VPS13B: variants seen among roughly 807,000 people sequenced by gnomAD.
VPS13B encodes vacuolar protein sorting 13 homolog B.
In VPS13B, 285 loss-of-function variants were observed where a neutral mutation model predicts 426.4. The ratio of observed to expected loss-of-function variants is 0.67; its 90% CI spans 0.61 to 0.74. The LOEUF is 0.74. VPS13B is among the 30% of genes least tolerant of loss of function. The pLI is 0.00. For synonymous variants in VPS13B, 1,676 were observed against 1,676.4 expected (o/e 1.00, Z 0.01); for missense variants, 4,537 against 4,782.6 (o/e 0.95, Z 1.51).
rs1295496472 is a variant in VPS13B at position 99,614,340 on chromosome 8, C to T, written c.5221-27471C>T. Among the ~76,000 whole-genome samples, 28 of 152,008 alleles carry T rather than the reference C, an allele frequency of 1.8e-4. 1 individual carries two copies. Among genetic ancestry groups the T allele is most frequent in the South Asian group, 2.1e-4 (1 of 4,812 alleles). ...TTGCACAGGCTGGAGTGCAATGGCG[C>T]AGTCTCAGCTCACCACAACCTCCGC... On this transcript the variant is annotated intron_variant, in intron 33 of 61. Transcript: ENST00000357162.
At position 99,521,018 on chromosome 8, in the gene VPS13B, T is replaced by G; in HGVS notation, c.4745+8T>G. ...TAGGAAAGATATTTACCAGTAAGTT[T>G]ATTTTCTTATGTCCAATCTTGCAAC... is the stretch of plus-strand genomic sequence containing the variant. On this transcript the variant is annotated splice_region_variant and intron_variant, in intron 30 of 61. Coordinates refer to ENST00000357162, the MANE Select transcript of VPS13B (RefSeq NM_152564.5). The G allele has an allele frequency of 1.2e-6, 2 of 1,608,480 alleles. No homozygotes were observed. Among genetic ancestry groups the G allele is most frequent in the Non-Finnish European group, 1.7e-6 (2 of 1,175,096 alleles).
intron 3 of VPS13B, among the ~76,000 whole-genome samples, chr8:99,081,424 A>C (rs1845448889): frequency 6.6e-6 from 1 of 152,102 alleles, no homozygotes; most frequent in Non-Finnish European, 1.5e-5. Context: ...AAAGCTTCAA[A>C]GATTACTTTT....
intron 61 of VPS13B, among the ~76,000 whole-genome samples, chr8:99,872,835 G>A (rs1817495954): frequency 1.3e-5 from 2 of 152,140 alleles, no homozygotes; most frequent in African/African-American, 4.8e-5. Context: ...TCACGCCACT[G>A]TTTGGGTAAA....
intron 2 of VPS13B, among the ~76,000 whole-genome samples, chr8:99,034,931 G>A (rs1408455890): frequency 2.0e-5 from 3 of 152,122 alleles, no homozygotes; most frequent in Non-Finnish European, 4.4e-5. Flanking sequence ...ATGGTAGCTC[G>A]TGCCTGCAAT....
At position 99,309,537 on chromosome 8, in the gene VPS13B, C is replaced by G. The variant is rs1820834775; in HGVS notation, c.2824+34283C>G. ...GAGGGCTCTGTTCTGTTCCATTGGT[C>G]TATATCTCTGTTTTGGTACCAGTAC... On this transcript the variant is annotated intron_variant, in intron 19 of 61. Transcript: ENST00000357162. Among the ~76,000 whole-genome samples, 3 of 152,058 alleles carry G rather than the reference C, an allele frequency of 2.0e-5. No homozygotes were observed. In the South Asian group the frequency reaches 6.2e-4, roughly 31 times the overall value.
intron 34 of VPS13B, among the ~76,000 whole-genome samples, chr8:99,660,534 ATATT>A (rs1002220908): frequency 6.6e-6 from 1 of 152,156 alleles, no homozygotes; most frequent in African/African-American, 2.4e-5. Context: ...AAAACTGTGA[ATATT>A]TAGAAGTTTT....
intron 12 of VPS13B, among the ~76,000 whole-genome samples, chr8:99,139,204 A>G (rs1251419657): frequency 1.3e-5 from 2 of 152,124 alleles, no homozygotes; most frequent in African/African-American, 2.4e-5. Flanking sequence ...TAAGCCTCCT[A>G]TGTGTTTCTT....
At chr8:99,793,223 T>C (rs1339836063) in intron 43 of VPS13B, among the ~76,000 whole-genome samples, 2 of 143,088 alleles carry the variant, frequency 1.4e-5, no homozygotes, top group Non-Finnish European at 3.0e-5. Context: ...TATATATATA[T>C]ATATATTTGG....
At chr8:99,663,434 G>A (rs1830321307) in intron 35 of VPS13B, among the ~76,000 whole-genome samples, 1 of 152,216 alleles carries the variant, frequency 6.6e-6, no homozygotes, top group Non-Finnish European at 1.5e-5. Context: ...TCATTAAAGT[G>A]TAGGAAGAAG....
rs1460900866 is a variant in VPS13B, at chr8:99,487,203, A to G, written c.3870+5401A>G. Among the ~76,000 whole-genome samples the G allele has an allele frequency of 4.6e-5, 7 of 152,146 alleles. No individual in the cohort carries two copies. In the South Asian group the frequency reaches 6.2e-4, roughly 14 times the overall value. ...CAGAGGGTAGTGAAGGGTAGAGAGTAGATCTAGAGGGCCAAAGAAAAGATA... is the reference window on the plus strand; with the variant it reads ...CAGAGGGTAGTGAAGGGTAGAGAGTGGATCTAGAGGGCCAAAGAAAAGATA... On this transcript the variant is annotated intron_variant, in intron 25 of 61. Transcript: ENST00000357162.
intron 16 of VPS13B, among the ~76,000 whole-genome samples, chr8:99,183,367 T>A (rs2132701236): frequency 6.6e-6 from 1 of 152,352 alleles, no homozygotes; most frequent in South Asian, 2.1e-4. Flanking sequence ...GAAATTTTAC[T>A]CTGGAGATTA....
intron 56 of VPS13B, among the ~76,000 whole-genome samples, chr8:99,856,549 TAAAG>T (rs949466270): frequency 4.6e-5 from 7 of 152,268 alleles, no homozygotes; most frequent in African/African-American, 1.7e-4. Context: ...GTTTTAAAAA[TAAAG>T]AAACAGGCCG....
intron 19 of VPS13B, among the ~76,000 whole-genome samples, chr8:99,371,736 T>C (rs902416680): frequency 1.3e-5 from 2 of 152,210 alleles, no homozygotes; most frequent in African/African-American, 4.8e-5. Flanking sequence ...TTGTGTCCTC[T>C]CTTATTTCCT....
intron 17 of VPS13B, among the ~76,000 whole-genome samples, chr8:99,202,520 C>A (rs1291460304): frequency 3.9e-5 from 6 of 152,070 alleles, no homozygotes; most frequent in Admixed American, 3.9e-4. Flanking sequence ...CATGAATAGA[C>A]CCAATAACAA....
At chr8:99,326,482 TG>T (rs1179289498) in intron 19 of VPS13B, among the ~76,000 whole-genome samples, 1 of 125,972 alleles carries the variant, frequency 7.9e-6, no homozygotes, top group Non-Finnish European at 1.7e-5. Context: ...TTTTTTTTTT[TG>T]AGACAGAATC....
intron 39 of VPS13B, among the ~76,000 whole-genome samples, chr8:99,729,564 A>G (rs1833503401): frequency 6.6e-6 from 1 of 152,236 alleles, no homozygotes; most frequent in Non-Finnish European, 1.5e-5. Context: ...TGCAATGACT[A>G]TGTAATACAT....
intron 33 of VPS13B, among the ~76,000 whole-genome samples, chr8:99,590,378 C>A (rs1826569394): frequency 6.6e-6 from 1 of 152,076 alleles, no homozygotes; most frequent in South Asian, 2.1e-4. Context: ...CTTCTGGTAG[C>A]TTTTGAATTT....
chr8:99,334,362 T>A (rs1343079091), intron 19 of VPS13B, among the ~76,000 whole-genome samples: 2 of 152,030 alleles, frequency 1.3e-5, no homozygotes, highest in Admixed American at 1.3e-4. Context: ...GATACCTTCC[T>A]TTGTGAAGTG....
At chr8:99,276,558 A>G (rs1472327261) in intron 19 of VPS13B, among the ~76,000 whole-genome samples, 1 of 152,156 alleles carries the variant, frequency 6.6e-6, no homozygotes, top group Non-Finnish European at 1.5e-5. Flanking sequence ...TAGCACAAAA[A>G]TAGCTACAGA....
Sources: gnomAD v4.1 joint callset for allele counts (sites outside exome capture counted in the v4.1 genomes callset) on GRCh38, gnomAD v4.1.1 for gene constraint, MANE v1.5 for transcripts, NCBI Gene and HGNC (gene_info 2026-07-23, HGNC 2026-07-21) for gene names.